Variants in UGT2A2 observed in about 807,000 individuals in gnomAD.
The protein encoded by UGT2A2 is UDP-glucuronosyltransferase 2A2.
In UGT2A2, 60 loss-of-function variants were observed where a neutral mutation model predicts 50.7. The ratio of observed to expected loss-of-function variants is 1.18; its 90% confidence interval spans 0.96 to 1.47. UGT2A2 has a LOEUF of 1.47. UGT2A2 is among the 40% of genes most tolerant of loss of function. The pLI is 0.00. For missense variants in UGT2A2, 762 were observed against 634.0 expected, an observed-to-expected ratio of 1.20 and a Z score of -2.17; for synonymous variants, 242 against 214.6, an observed-to-expected ratio of 1.13 and a Z score of -1.11.
intron 1 of UGT2A2, among the ~76,000 whole-genome samples, chr4:69,610,083 T>C (rs1454922939): frequency 6.6e-6 from 1 of 152,190 alleles, no homozygotes; most frequent in East Asian, 1.9e-4. Flanking sequence ...GAATCATGTT[T>C]CTAATACTGG....
intron 5 of UGT2A2, among the ~76,000 whole-genome samples, chr4:69,591,025 G>C (rs899612366): frequency 2.0e-5 from 3 of 152,090 alleles, no homozygotes; most frequent in African/African-American, 4.8e-5. Context: ...GTGGTATTTG[G>C]TTTAGGGTTA....
At chr4:69,628,277 G>A (rs1175949410) in intron 1 of UGT2A2, among the ~76,000 whole-genome samples, 2 of 131,168 alleles carry the variant, frequency 1.5e-5, no homozygotes, top group Non-Finnish European at 3.3e-5. Context: ...AATTTATATG[G>A]AGCCACAAAA....
chr4:69,612,439 C>T (rs1720119735), intron 1 of UGT2A2, among the ~76,000 whole-genome samples: 1 of 151,676 alleles, frequency 6.6e-6, no homozygotes, highest in Non-Finnish European at 1.5e-5. Flanking sequence ...TGAGAATAGC[C>T]AAAGTAAAGA....
At chr4:69,605,272 C>T (rs894353609) in intron 1 of UGT2A2, among the ~76,000 whole-genome samples, 4 of 136,886 alleles carry the variant, frequency 2.9e-5, no homozygotes, top group African/African-American at 1.2e-4. Flanking sequence ...GAAATTCACT[C>T]AAAACCGCTC....
At chr4:69,633,453 C>A (rs1399841523) in intron 1 of UGT2A2, among the ~76,000 whole-genome samples, 1 of 152,078 alleles carries the variant, frequency 6.6e-6, no homozygotes, top group Non-Finnish European at 1.5e-5. Flanking sequence ...ACGAATATAT[C>A]CAACAGTATG....
chr4:69,615,891 GACAATCAC>G lies in UGT2A2; in HGVS notation c.743-16505_743-16498del, dbSNP rs575619262. ...TAAAAATAAAACTACCATATGATCCGACAATCACACTGCTGGGTATATATCCAAATAAA... is the reference window on the plus strand; with the variant it reads ...TAAAAATAAAACTACCATATGATCCGACTGCTGGGTATATATCCAAATAAA... On this transcript the variant is annotated intron_variant, in intron 1 of 5. Transcript: ENST00000604629. 2.4e-3 allele frequency among the ~76,000 whole-genome samples: 369 copies of G among 152,038 alleles called. 1 individual carries two copies. Among genetic ancestry groups the G allele is most frequent in the South Asian group, 8.5e-3 (41 of 4,820 alleles).
At position 69,639,496 on chromosome 4, in the gene UGT2A2, G is replaced by T. The variant is rs950370348; in HGVS notation, c.145C>A (p.Leu49Ile). 3.1e-6 allele frequency: 5 copies of T among 1,613,100 alleles called. 1 individual carries two copies. Among genetic ancestry groups the T allele is most frequent in the Non-Finnish European group, 4.2e-6 (5 of 1,179,542 alleles). Residue 49 changes from leucine to isoleucine, a missense_variant, in exon 1 of 6, where the codon CTA becomes ATA. Transcript: ENST00000604629. The stretch of plus-strand genomic sequence containing the variant: ...TGATTTCTTTGAATCAACTCTTCTA[G>T]AATAATCTTAATATTTAACCAATGG... ...GSHWLNIKII[L>I]EELIQRNHNV...
At chr4:69,625,342 A>G (rs1720993250) in intron 1 of UGT2A2, among the ~76,000 whole-genome samples, 1 of 151,076 alleles carries the variant, frequency 6.6e-6, no homozygotes, top group South Asian at 2.1e-4. Context: ...AAATTTGAAA[A>G]ATTTGGGGCC....
intron 5 of UGT2A2, among the ~76,000 whole-genome samples, chr4:69,592,913 G>C (rs1464762075): frequency 6.6e-6 from 1 of 151,998 alleles, no homozygotes; most frequent in Non-Finnish European, 1.5e-5. Context: ...AAAATAATTT[G>C]TAAGAATACA....
At chr4:69,599,601 A>G in intron 1 of UGT2A2, 5 of 573,618 alleles carry the variant, frequency 8.7e-6, no homozygotes, top group Non-Finnish European at 1.3e-5. Context: ...AGAAGGAAGG[A>G]AGGGAGGAAG....
intron 1 of UGT2A2, among the ~76,000 whole-genome samples, chr4:69,613,157 G>A (rs964462099): frequency 1.3e-5 from 2 of 151,870 alleles, no homozygotes; most frequent in African/African-American, 4.8e-5. Context: ...TCAGAGAAAT[G>A]TGAATCAAAA....
In UGT2A2 at chr4:69,603,842, T is replaced by A. The variant is rs1192689268; in HGVS notation, c.743-4448A>T. Among the ~76,000 whole-genome samples the A allele has an allele frequency of 3.7e-5, 5 of 135,870 alleles. 2 individuals are homozygous for A. Among genetic ancestry groups the A allele is most frequent in the Non-Finnish European group, 7.8e-5 (5 of 64,100 alleles). 89.1% of individuals were successfully genotyped at this position (135,870 alleles called of 152,430 possible). On this transcript the variant is annotated intron_variant, in intron 1 of 5. Transcript: ENST00000604629. ...GTGATGGAAGATCAAATGAATGAAA[T>A]GAAGCGAGAAGAGAAGTTTAGAGAA...
chr4:69,594,407 A>T, intron 5 of UGT2A2, 70 bp downstream of exon 5: 1 of 1,555,618 alleles, frequency 6.4e-7, no homozygotes, highest in Non-Finnish European at 8.7e-7. Flanking sequence ...GTATAAAAGA[A>T]TGTACATTTT....
At chr4:69,616,821 C>T (rs959546339) in intron 1 of UGT2A2, among the ~76,000 whole-genome samples, 11 of 134,940 alleles carry the variant, frequency 8.2e-5, no homozygotes, top group African/African-American at 1.9e-4. Flanking sequence ...AATTTCTCTG[C>T]CATTTTCTTT....
intron 2 of UGT2A2, among the ~76,000 whole-genome samples, chr4:69,597,534 A>C (rs1354601129): frequency 6.6e-6 from 1 of 152,146 alleles, no homozygotes; most frequent in Non-Finnish European, 1.5e-5. Flanking sequence ...TTGGGATCAC[A>C]CTGGAATCAC....
chr4:69,630,118 T>C (rs1721302067), intron 1 of UGT2A2, among the ~76,000 whole-genome samples: 3 of 152,202 alleles, frequency 2.0e-5, no homozygotes, highest in African/African-American at 7.2e-5. Context: ...TATTAAAATA[T>C]ATAACTAAAA....
intron 1 of UGT2A2, among the ~76,000 whole-genome samples, chr4:69,634,640 C>T (rs2109961224): frequency 6.6e-6 from 1 of 151,932 alleles, no homozygotes; most frequent in African/African-American, 2.4e-5. Flanking sequence ...TATATTTTAC[C>T]ATATTGGCGG....
At chr4:69,635,849 A>AAAAAAAAAAAAAAAAAAAAGAG (rs772370302) in intron 1 of UGT2A2, 2 of 118,512 alleles carry the variant, frequency 1.7e-5, no homozygotes, top group African/African-American at 8.0e-5. Context: ...AAAAAAAAAA[A>AAAAAAAAAAAAAAAAAAAAGAG]AGAGAGAGAG....
rs1721707951 is a variant in UGT2A2, at chr4:69,636,309, T to G, written c.742+2590A>C. Among the ~76,000 whole-genome samples the G allele has an allele frequency of 2.6e-5, 4 of 152,312 alleles. No homozygotes were observed. In the South Asian group the frequency reaches 8.3e-4, roughly 32 times the overall value. On this transcript the variant is annotated intron_variant, in intron 1 of 5. Transcript: ENST00000604629. Reference sequence around the variant, plus strand: ...ATTGTGTATCTGCCCTCTTTCAATATCAGTTTACAGTTAGCAGGTGTTCTT... The same window carrying G: ...ATTGTGTATCTGCCCTCTTTCAATAGCAGTTTACAGTTAGCAGGTGTTCTT...
Sources: gnomAD v4.1 joint callset for allele counts (sites outside exome capture counted in the v4.1 genomes callset) on GRCh38, gnomAD v4.1.1 for gene constraint, MANE v1.5 for transcripts, NCBI Gene and HGNC (gene_info 2026-07-23, HGNC 2026-07-21) for gene names.